SBK2: variants seen among roughly 807,000 people sequenced by gnomAD.
SBK2 encodes SH3 domain binding kinase family member 2, also known as serine/threonine-protein kinase SBK2.
A neutral mutation model predicts 15.9 loss-of-function variants in SBK2; 18 were observed. The observed-to-expected ratio is 1.13, with a 90% CI of 0.78 to 1.68. The LOEUF (loss-of-function observed/expected upper bound fraction) is 1.68. Among genes scored for constraint, SBK2 ranks in the 40% most tolerant of loss-of-function variants. SBK2 has a pLI of 0.00. For synonymous variants in SBK2, 284 were observed against 246.8 expected, an observed-to-expected ratio of 1.15 and a Z score of -1.41; for missense variants, 581 against 510.9, an observed-to-expected ratio of 1.14 and a Z score of -1.32.
chr19:55,528,910 CA>C lies in SBK2; in HGVS notation c.*822del, dbSNP rs1988174267. On this transcript the variant is annotated 3_prime_UTR_variant, in exon 4 of 4. Transcript: ENST00000413299. ...AAATAACCACAAAAAATAAGCCATGCAGTTAGAAGAGGATACACGTCCTAGA... is the reference window on the plus strand; with the variant it reads ...AAATAACCACAAAAAATAAGCCATGCGTTAGAAGAGGATACACGTCCTAGA... Among the ~76,000 whole-genome samples the C allele has an allele frequency of 6.6e-6, 1 of 152,168 alleles. No individual in the cohort carries two copies. Among genetic ancestry groups the C allele is most frequent in the East Asian group, 1.9e-4 (1 of 5,186 alleles).
rs1339170511 is a variant in SBK2, at chr19:55,529,976, G to C, written c.804C>G (p.Ala268=). The C allele has an allele frequency of 6.5e-7, 1 of 1,527,194 alleles. No individual in the cohort carries two copies. Among genetic ancestry groups the C allele is most frequent in the African/African-American group, 1.4e-5 (1 of 71,358 alleles). The allele number at this position is 1,527,194 out of a possible 1,614,324, so 94.6% of individuals were successfully genotyped here. A position where few individuals can be genotyped will look rare whatever the true frequency, so the allele number is the denominator to read the frequency against. Residue 268 remains alanine (A), a synonymous_variant, in exon 4 of 4, where the codon GCC becomes GCG. Transcript: ENST00000413299. ...AGTCCTCGTAGAAGGGGTCGGCCTCGGCCAGGGGCCGGTCCCAGGGGAAGT... is the reference window on the plus strand; with the variant it reads ...AGTCCTCGTAGAAGGGGTCGGCCTCCGCCAGGGGCCGGTCCCAGGGGAAGT... ...TGYFPWDRPL[A]EADPFYEDFL...
At chr19:55,531,846 G>C (rs903203460) in intron 2 of SBK2, among the ~76,000 whole-genome samples, 1 of 152,102 alleles carries the variant, frequency 6.6e-6, no homozygotes, top group Non-Finnish European at 1.5e-5. Flanking sequence ...GGGTGTGGTG[G>C]CGCATGCGTG....
chr19:55,536,366 A>G (rs1988405567), intron 1 of SBK2, 70 bp from the exon 2 acceptor site: 4 of 1,332,340 alleles, frequency 3.0e-6, no homozygotes, highest in South Asian at 1.8e-5. Flanking sequence ...GGGGGTCTGG[A>G]CTCCTGGGTC....
chr19:55,529,977 G>C lies in SBK2; in HGVS notation c.803C>G (p.Ala268Gly). 6.5e-7 allele frequency: 1 copy of C among 1,527,568 alleles called. No homozygotes were observed. The highest frequency in any genetic ancestry group is 8.8e-7 in the Non-Finnish European group (1 of 1,139,520). The allele number at this position is 1,527,568 out of a possible 1,614,324, so 94.6% of individuals were successfully genotyped here. The change falls in exon 4 of 4, where the codon GCC becomes GGC. Residue 268 changes from alanine (A) to glycine (G), a missense_variant. Transcript: ENST00000413299. ...TGYFPWDRPL[A>G]EADPFYEDFL... ...GTCCTCGTAGAAGGGGTCGGCCTCG[G>C]CCAGGGGCCGGTCCCAGGGGAAGTA... is the stretch of plus-strand genomic sequence containing the variant.
chr19:55,535,845 C>T (rs1314132718), intron 2 of SBK2, among the ~76,000 whole-genome samples, 197 bp downstream of exon 2: 3 of 152,360 alleles, frequency 2.0e-5, no homozygotes, highest in African/African-American at 7.2e-5. Context: ...TGCCACTGCA[C>T]TCCAGCCTGG....
At chr19:55,536,423 A>G in intron 1 of SBK2, 127 bp from the exon 2 acceptor site, 1 of 762,734 alleles carries the variant, frequency 1.3e-6, no homozygotes, top group Non-Finnish European at 1.9e-6. Context: ...ATTGTGACTC[A>G]GTCTCCCTCT....
Position 55,536,162 on chromosome 19 carries a change from T to A in SBK2, c.133A>T (p.Met45Leu). 3 of 1,605,588 alleles carry A rather than the reference T, an allele frequency of 1.9e-6. No homozygotes were observed. The highest frequency in any genetic ancestry group is 2.6e-6 in the Non-Finnish European group (3 of 1,176,202). Residue 45 changes from methionine to leucine, a missense_variant, in exon 2 of 4, where the codon ATG becomes TTG. Met to Leu is a conservative substitution (Grantham distance 15). Coordinates refer to ENST00000413299, the MANE Select transcript of SBK2 (RefSeq NM_001370096.2). ...AGGGTCTGAGCACTCAGCGTCATCA[T>A]GTCCTCCAGCGCGCGGGCAGCCTCC... is the stretch of plus-strand genomic sequence containing the variant. ...GQEAARALEDMMTLSAQTLVR... is the reference protein window; with the variant it reads ...GQEAARALEDLMTLSAQTLVR...
At chr19:55,532,601 C>CCTTT (rs34179769) in intron 2 of SBK2, among the ~76,000 whole-genome samples, 3 of 128,374 alleles carry the variant, frequency 2.3e-5, no homozygotes, top group African/African-American at 9.2e-5. Context: ...TACACCCGCC[C>CCTTT]TTTTTTTTTT....
chr19:55,533,659 CAAAAAAAAAAAAAAAAAAAAAAAAAAA>C (rs71181785), intron 2 of SBK2, among the ~76,000 whole-genome samples: 3 of 33,910 alleles, frequency 8.8e-5, no homozygotes, highest in Non-Finnish European at 4.5e-5. Flanking sequence ...GACTCCGTCT[CAAAAAAAAAAAAAAAAAAAAAAAAAAA>C]AAAAAAAAAA....
chr19:55,531,515 A>C (rs1053698381), intron 2 of SBK2, among the ~76,000 whole-genome samples, 170 bp from the exon 3 acceptor site: 1 of 152,138 alleles, frequency 6.6e-6, no homozygotes, highest in African/African-American at 2.4e-5. Flanking sequence ...TCCTAACAGC[A>C]TGGCCACCCA....
intron 2 of SBK2, among the ~76,000 whole-genome samples, chr19:55,534,714 A>AAG (rs1188300136): frequency 2.0e-5 from 3 of 148,082 alleles, no homozygotes; most frequent in Non-Finnish European, 3.0e-5. Context: ...CAAAAAAAAA[A>AAG]AAAAAAGAAA....
chr19:55,535,764 G>C (rs1335626337), intron 2 of SBK2, among the ~76,000 whole-genome samples: 1 of 152,100 alleles, frequency 6.6e-6, no homozygotes, highest in Non-Finnish European at 1.5e-5. Flanking sequence ...CATGCCTATA[G>C]TCCTAGCTAC....
At position 55,529,282 on chromosome 19, in the gene SBK2, G is replaced by T. The variant is rs1222364764; in HGVS notation, c.*451C>A. ...GTGGTGGCGCATGCCTGTAGTCCCAGCTACTCAGGAGGCTGAGGCAGGAAG... is the reference window on the plus strand; with the variant it reads ...GTGGTGGCGCATGCCTGTAGTCCCATCTACTCAGGAGGCTGAGGCAGGAAG... On this transcript the variant is annotated 3_prime_UTR_variant, in exon 4 of 4. Coordinates refer to ENST00000413299, the MANE Select transcript of SBK2 (RefSeq NM_001370096.2). 6.6e-6 allele frequency among the ~76,000 whole-genome samples: 1 copy of T among 152,206 alleles called. No individual in the cohort carries two copies. The highest frequency in any genetic ancestry group is 1.9e-4 in the East Asian group (1 of 5,190).
At chr19:55,530,847 G>A (rs561207739) in intron 3 of SBK2, among the ~76,000 whole-genome samples, 4 of 152,078 alleles carry the variant, frequency 2.6e-5, no homozygotes, top group African/African-American at 9.6e-5. Context: ...GGACCTGTAG[G>A]TTAAGCGGGG....
intron 3 of SBK2, 29 bp from the exon 4 acceptor site, chr19:55,530,352 C>A: frequency 1.4e-6 from 2 of 1,394,212 alleles, no homozygotes; most frequent in Non-Finnish European, 9.3e-7. Context: ...GGGCCCAGTG[C>A]CCCGGGGCCA....
At chr19:55,532,445 G>A (rs1204962390) in intron 2 of SBK2, among the ~76,000 whole-genome samples, 2 of 151,228 alleles carry the variant, frequency 1.3e-5, no homozygotes, top group Non-Finnish European at 2.9e-5. Flanking sequence ...TGGGATTACG[G>A]GCACCTGCCA....
At chr19:55,531,366 A>G in intron 2 of SBK2, 21 bp from the exon 3 acceptor site, 2 of 1,576,970 alleles carry the variant, frequency 1.3e-6, no homozygotes, top group Non-Finnish European at 8.6e-7. Context: ...AGGGACAGGT[A>G]TGGGAGGCGT....
In SBK2 at chr19:55,536,286, G is replaced by T; in HGVS notation, c.9C>A (p.Gly3=). Residue 3 remains glycine (G), a synonymous_variant, in exon 2 of 4, where the codon GGC becomes GGA. Coordinates refer to ENST00000413299, the MANE Select transcript of SBK2 (RefSeq NM_001370096.2). MP[G]KQSEEGPAEA... The stretch of plus-strand genomic sequence containing the variant: ...CCGCCGGCCCTTCCTCAGACTGTTT[G>T]CCGGGCATCTCTGCGAGAACAGAGA... The T allele has an allele frequency of 6.4e-7, 1 of 1,565,138 alleles. No individual in the cohort carries two copies. Among genetic ancestry groups the T allele is most frequent in the Non-Finnish European group, 8.6e-7 (1 of 1,158,922 alleles).
chr19:55,532,053 A>G (rs1308065855), intron 2 of SBK2, among the ~76,000 whole-genome samples: 1 of 152,134 alleles, frequency 6.6e-6, no homozygotes, highest in Non-Finnish European at 1.5e-5. Flanking sequence ...GTGAATTTCT[A>G]CCTTGCTTTC....
Sources: allele counts gnomAD v4.1 joint callset (sites outside exome capture counted in the v4.1 genomes callset), GRCh38; gene constraint gnomAD v4.1.1; transcripts MANE v1.5; gene names NCBI Gene and HGNC (gene_info 2026-07-23, HGNC 2026-07-21).